PDE1A: variants seen among roughly 807,000 people sequenced by gnomAD.
The protein encoded by PDE1A is phosphodiesterase 1A, also known as dual specificity calcium/calmodulin-dependent 3',5'-cyclic nucleotide phosphodiesterase 1A.
In PDE1A, 35 loss-of-function variants were observed where a neutral mutation model predicts 61.7. The observed-to-expected ratio is 0.57, with a 90% CI of 0.43 to 0.75. The LOEUF (loss-of-function observed/expected upper bound fraction) is 0.75. Ranked by LOEUF, PDE1A falls within the 30% of genes least tolerant of loss-of-function variation. PDE1A has a pLI of 0.00. For missense variants in PDE1A, 597 were observed against 630.6 expected (o/e 0.95, Z 0.57); for synonymous variants, 232 against 213.2 (o/e 1.09, Z -0.77).
the PDE1A span, among the ~76,000 whole-genome samples, chr2:182,613,687 T>C: frequency 2.3e-3 from 348 of 152,364 alleles, 4 homozygotes; most frequent in African/African-American, 8.0e-3. Context: ...GTTATTAAGA[T>C]ATTTTGAATG....
chr2:182,633,711 C>T, the PDE1A span, among the ~76,000 whole-genome samples: 1 of 152,140 alleles, frequency 6.6e-6, no homozygotes, highest in Non-Finnish European at 1.5e-5. Flanking sequence ...ATTTGGCCTG[C>T]ATCCTAAGAG....
the PDE1A span, among the ~76,000 whole-genome samples, chr2:182,564,512 T>G: frequency 6.6e-6 from 1 of 152,230 alleles, no homozygotes. Flanking sequence ...TCAACTTTGG[T>G]GACTCTGACA....
At chr2:182,706,671 AAAGC>A in the PDE1A span, among the ~76,000 whole-genome samples, 1 of 152,066 alleles carries the variant, frequency 6.6e-6, no homozygotes, top group Non-Finnish European at 1.5e-5. Flanking sequence ...CATGGCTTCC[AAAGC>A]AAGCAGAAGT....
chr2:182,389,628 C>A (rs1427205634), intron 1 of PDE1A, among the ~76,000 whole-genome samples: 3 of 152,076 alleles, frequency 2.0e-5, no homozygotes, highest in African/African-American at 2.4e-5. Context: ...ATCAAAAAGA[C>A]AAAAGACAGT....
In PDE1A at chr2:182,304,675, G is replaced by C. The variant is rs555298491; in HGVS notation, c.54-40261C>G. Among the ~76,000 whole-genome samples the C allele has an allele frequency of 1.6e-4, 24 of 152,286 alleles. 1 individual carries two copies. In the South Asian group the frequency reaches 4.8e-3, roughly 30 times the overall value. On this transcript the variant is annotated intron_variant, in intron 1 of 13. Transcript: ENST00000351439. ...TCTCAAAGAATAGGAAGGCCAAAGA[G>C]AGGGAGAAAGACACGGGAATGGCTG...
chr2:182,215,873 T>G (rs1433794311), intron 7 of PDE1A, among the ~76,000 whole-genome samples: 1 of 106,016 alleles, frequency 9.4e-6, no homozygotes, highest in Non-Finnish European at 1.9e-5. Flanking sequence ...CTGAAACTAT[T>G]CCAATCAATA....
chr2:182,616,427 A>G, the PDE1A span, among the ~76,000 whole-genome samples: 1 of 152,248 alleles, frequency 6.6e-6, no homozygotes, highest in Admixed American at 6.5e-5. Context: ...GTTACTTCAG[A>G]TGGAAGATAC....
chr2:182,446,520 T>C (rs1177376285), intron 2 of PDE1A, among the ~76,000 whole-genome samples: 1 of 152,144 alleles, frequency 6.6e-6, no homozygotes, highest in African/African-American at 2.4e-5. Flanking sequence ...AAGTATTCTG[T>C]GTCTAAAATG....
intron 4 of PDE1A, among the ~76,000 whole-genome samples, chr2:182,231,653 TG>T (rs879488825): frequency 2.6e-5 from 4 of 152,088 alleles, no homozygotes; most frequent in African/African-American, 7.2e-5. Flanking sequence ...TGGTGGCTCA[TG>T]CCTGTAATCC....
At chr2:182,148,942 G>A (rs1257430226) in intron 13 of PDE1A, among the ~76,000 whole-genome samples, 1 of 151,440 alleles carries the variant, frequency 6.6e-6, no homozygotes, top group Non-Finnish European at 1.5e-5. Flanking sequence ...AGTGACCTGA[G>A]CTTTTCATTT....
At chr2:182,352,592 C>G (rs1397667710) in intron 1 of PDE1A, among the ~76,000 whole-genome samples, 1 of 150,270 alleles carries the variant, frequency 6.7e-6, no homozygotes, top group Non-Finnish European at 1.5e-5. Flanking sequence ...AAGGAATAAA[C>G]TACTTTATGG....
In PDE1A at chr2:182,227,545, A is replaced by C. The variant is rs974308907; in HGVS notation, c.675+2461T>G. On this transcript the variant is annotated intron_variant, in intron 6 of 13. Coordinates refer to ENST00000351439, the Ensembl canonical transcript of PDE1A. Reference sequence around the variant, plus strand: ...TAAGTTACCAGTATAGAAAATTGGCATATTACAATTAATTAATTAAGGTAT... The same window carrying C: ...TAAGTTACCAGTATAGAAAATTGGCCTATTACAATTAATTAATTAAGGTAT... Among the ~76,000 whole-genome samples the C allele has an allele frequency of 2.6e-5, 4 of 152,106 alleles. No individual in the cohort carries two copies. The South Asian group carries it at 6.2e-4, about 24-fold the overall frequency.
chr2:182,297,727 T>C (rs1272679594), intron 1 of PDE1A, among the ~76,000 whole-genome samples: 1 of 152,216 alleles, frequency 6.6e-6, no homozygotes, highest in Non-Finnish European at 1.5e-5. Context: ...GAACTTTCCC[T>C]GTATAACAGA....
rs185429035 is a variant in PDE1A at position 182,221,575 on chromosome 2, A to T, written c.776+2289T>A. The stretch of plus-strand genomic sequence containing the variant: ...CGTTTTCCTTTTCCCTCCAAACTGT[A>T]TCAATCTCTGGGACCCTGGGGTTTC... On this transcript the variant is annotated intron_variant, in intron 7 of 13. Coordinates refer to ENST00000351439, the Ensembl canonical transcript of PDE1A. Among the ~76,000 whole-genome samples the T allele has an allele frequency of 3.1e-3, 474 of 152,150 alleles. 2 individuals are homozygous for T. The highest frequency in any genetic ancestry group is 0.011 in the African/African-American group (459 of 41,528).
At chr2:182,691,388 C>T in the PDE1A span, among the ~76,000 whole-genome samples, 269 of 152,288 alleles carry the variant, frequency 1.8e-3, 4 homozygotes, top group South Asian at 0.037. Flanking sequence ...CATCTACAAC[C>T]GTCTGATCTT....
chr2:182,569,900 G>C, the PDE1A span, among the ~76,000 whole-genome samples: 1 of 152,150 alleles, frequency 6.6e-6, no homozygotes, highest in Non-Finnish European at 1.5e-5. Context: ...GTAGTTTCTA[G>C]TTCTTCTTAA....
At chr2:182,154,676 A>G (rs1690970817) in intron 13 of PDE1A, among the ~76,000 whole-genome samples, 1 of 152,138 alleles carries the variant, frequency 6.6e-6, no homozygotes, top group Admixed American at 6.5e-5. Context: ...TTCTGCCATG[A>G]TTGTGATGCC....
At chr2:182,271,488 G>C (rs1215732979) in intron 1 of PDE1A, among the ~76,000 whole-genome samples, 2 of 152,038 alleles carry the variant, frequency 1.3e-5, no homozygotes, top group African/African-American at 4.8e-5. Flanking sequence ...TTTACTTCAA[G>C]AGGTATTAAC....
chr2:182,456,982 G>T (rs1025278355), intron 2 of PDE1A, among the ~76,000 whole-genome samples: 1 of 152,028 alleles, frequency 6.6e-6, no homozygotes, highest in East Asian at 1.9e-4. Context: ...ATTGGAACAA[G>T]CATAAAAACA....
Sources: gnomAD v4.1 joint callset for allele counts (sites outside exome capture counted in the v4.1 genomes callset) on GRCh38, gnomAD v4.1.1 for gene constraint, MANE v1.5 for transcripts, NCBI Gene and HGNC (gene_info 2026-07-23, HGNC 2026-07-21) for gene names.